Variants in CDH8 observed in about 807,000 individuals in gnomAD.
CDH8 encodes the protein cadherin-8.
In CDH8, 17 loss-of-function variants were observed where a neutral mutation model predicts 68.1. That is an observed-to-expected ratio of 0.25 (90% CI 0.17 to 0.37). The LOEUF is 0.37. Among genes scored for constraint, CDH8 ranks in the 10% least tolerant of loss-of-function variants. The pLI is 1.00. For missense variants in CDH8, 763 were observed against 999.3 expected, an observed-to-expected ratio of 0.76 and a Z score of 3.19; for synonymous variants, 372 against 365.1, an observed-to-expected ratio of 1.02 and a Z score of -0.21.
At chr16:61,671,639 A>G (rs1220083756) in intron 10 of CDH8, among the ~76,000 whole-genome samples, 1 of 152,060 alleles carries the variant, frequency 6.6e-6, no homozygotes, top group African/African-American at 2.4e-5. Flanking sequence ...AATGGAAGGC[A>G]GTTATGTAGA....
chr16:61,938,361 T>C (rs951757836), intron 2 of CDH8, among the ~76,000 whole-genome samples: 2 of 152,148 alleles, frequency 1.3e-5, no homozygotes, highest in Non-Finnish European at 2.9e-5. Flanking sequence ...ATTAGGAGTA[T>C]TCACTCCTTG....
intron 8 of CDH8, among the ~76,000 whole-genome samples, chr16:61,768,425 T>TCC (rs1960688559): frequency 7.2e-6 from 1 of 138,454 alleles, no homozygotes; most frequent in African/African-American, 2.8e-5. Flanking sequence ...TCTCTCTCTC[T>TCC]CTCCCTCTCC....
chr16:61,709,706 G>A lies in CDH8; in HGVS notation c.1654+4135C>T, dbSNP rs556928339. Among the ~76,000 whole-genome samples the A allele has an allele frequency of 2.7e-4, 41 of 151,140 alleles. 1 individual carries two copies. The highest frequency in any genetic ancestry group is 7.3e-4 in the African/African-American group (30 of 41,240). ...CATTGTGTGGAGAAACCTGAGTTTC[G>A]TTTTGGCAATGGAGCTATAGAAAGG... On this transcript the variant is annotated intron_variant, in intron 10 of 11. Coordinates refer to ENST00000577390, the MANE Select transcript of CDH8 (RefSeq NM_001796.5).
At chr16:62,010,943 CA>C (rs11456356) in intron 2 of CDH8, among the ~76,000 whole-genome samples, 26 of 141,058 alleles carry the variant, frequency 1.8e-4, no homozygotes, top group South Asian at 2.3e-4. Flanking sequence ...AACTCCATTT[CA>C]AAAAAAAAAA....
At chr16:61,830,575 G>A (rs1479885079) in intron 4 of CDH8, among the ~76,000 whole-genome samples, 1 of 151,874 alleles carries the variant, frequency 6.6e-6, no homozygotes, top group African/African-American at 2.4e-5. Context: ...GACATAAATT[G>A]TGTCTATCTT....
chr16:61,836,741 G>T (rs931939281), intron 4 of CDH8, among the ~76,000 whole-genome samples: 4 of 151,490 alleles, frequency 2.6e-5, no homozygotes, highest in Admixed American at 6.6e-5. Flanking sequence ...GCTAGACTGA[G>T]ATATATATAT....
chr16:62,022,718 C>T (rs1002051299), intron 1 of CDH8, among the ~76,000 whole-genome samples: 2 of 152,144 alleles, frequency 1.3e-5, no homozygotes, highest in African/African-American at 4.8e-5. Flanking sequence ...TGGTTCCATT[C>T]TGGCTCAGAA....
rs1446821856 is a variant in CDH8 at position 61,648,732 on chromosome 16, T to C, written c.*4876A>G. On this transcript the variant is annotated 3_prime_UTR_variant, in exon 12 of 12. Coordinates refer to ENST00000577390, the MANE Select transcript of CDH8 (RefSeq NM_001796.5). The stretch of plus-strand genomic sequence containing the variant: ...TTCTGTATCAACCATGTAGCTTAAT[T>C]TCTGTACTGATAGATACTCAATAAA... 1.3e-5 allele frequency: 2 copies of C among 151,980 alleles called. No individual in the cohort carries two copies. Among genetic ancestry groups the C allele is most frequent in the African/African-American group, 4.8e-5 (2 of 41,424 alleles). 9.4% of individuals were successfully genotyped at this position (151,980 alleles called of 1,614,324 possible).
At chr16:61,686,365 A>C (rs1964106605) in intron 10 of CDH8, among the ~76,000 whole-genome samples, 2 of 152,030 alleles carry the variant, frequency 1.3e-5, no homozygotes, top group South Asian at 2.1e-4. Context: ...GATTGCCACA[A>C]CTATCCATTT....
intron 2 of CDH8, among the ~76,000 whole-genome samples, chr16:61,968,336 T>C (rs529232901): frequency 2.0e-4 from 30 of 152,304 alleles, no homozygotes; most frequent in African/African-American, 7.2e-4. Context: ...GTCAAGTTTT[T>C]CCCACTCTTT....
intron 1 of CDH8, among the ~76,000 whole-genome samples, chr16:62,024,231 T>C (rs182899095): frequency 7.9e-5 from 12 of 152,080 alleles, no homozygotes; most frequent in African/African-American, 2.9e-4. Flanking sequence ...ATTCCTACAC[T>C]GACCAGTTGT....
chr16:62,035,422 G>T (rs1033482385), intron 1 of CDH8, among the ~76,000 whole-genome samples: 1 of 152,178 alleles, frequency 6.6e-6, no homozygotes, highest in Admixed American at 6.5e-5. Flanking sequence ...GCGTCTTGGC[G>T]AGGGCAGAGC....
chr16:61,750,031 T>C (rs1489562187), intron 8 of CDH8, among the ~76,000 whole-genome samples: 4 of 152,062 alleles, frequency 2.6e-5, no homozygotes, highest in Non-Finnish European at 5.9e-5. Flanking sequence ...TAGTATTCAA[T>C]AGCTGGTTTT....
intron 2 of CDH8, among the ~76,000 whole-genome samples, chr16:62,015,168 T>G (rs1216666917): frequency 6.6e-6 from 1 of 152,132 alleles, no homozygotes; most frequent in Non-Finnish European, 1.5e-5. Flanking sequence ...CAGTCAAAGC[T>G]TTGTTACATA....
chr16:61,690,952 C>G (rs906009687), intron 10 of CDH8, among the ~76,000 whole-genome samples: 1 of 152,050 alleles, frequency 6.6e-6, no homozygotes, highest in Non-Finnish European at 1.5e-5. Context: ...GAGTTTCTCT[C>G]CAGCCTCACT....
At chr16:61,826,963 T>C (rs901877927) in intron 4 of CDH8, among the ~76,000 whole-genome samples, 1 of 151,888 alleles carries the variant, frequency 6.6e-6, no homozygotes, top group Non-Finnish European at 1.5e-5. Flanking sequence ...CATCATAATA[T>C]AGCTTATAGG....
chr16:61,890,796 G>A (rs969061371), intron 3 of CDH8, among the ~76,000 whole-genome samples: 2 of 152,036 alleles, frequency 1.3e-5, no homozygotes, highest in African/African-American at 4.8e-5. Flanking sequence ...GATAGTGACT[G>A]AGAATTCATC....
At chr16:61,782,174 G>A (rs1214633875) in intron 8 of CDH8, among the ~76,000 whole-genome samples, 2 of 152,174 alleles carry the variant, frequency 1.3e-5, no homozygotes, top group African/African-American at 2.4e-5. Context: ...TCCATCTGAG[G>A]TACCGGGTTC....
At chr16:61,887,687 T>C (rs929312392) in intron 3 of CDH8, among the ~76,000 whole-genome samples, 3 of 152,038 alleles carry the variant, frequency 2.0e-5, no homozygotes, top group African/African-American at 7.2e-5. Flanking sequence ...AATCACAGTC[T>C]GAGATACTAA....
Sources: allele counts gnomAD v4.1 joint callset (sites outside exome capture counted in the v4.1 genomes callset), GRCh38; gene constraint gnomAD v4.1.1; transcripts MANE v1.5; gene names NCBI Gene and HGNC (gene_info 2026-07-23, HGNC 2026-07-21).